Variants in CD226 observed in about 807,000 individuals in gnomAD.
CD226 encodes the protein CD226 antigen.
A neutral mutation model predicts 34.9 loss-of-function variants in CD226; 24 were observed. That is an observed-to-expected ratio of 0.69 (90% CI 0.50 to 0.97). The LOEUF (loss-of-function observed/expected upper bound fraction) is 0.97. CD226 is among the 50% of genes least tolerant of loss of function. CD226 has a pLI of 0.00. For synonymous variants in CD226, 148 were observed against 147.4 expected, an observed-to-expected ratio of 1.00 and a Z score of -0.03; for missense variants, 397 against 412.7, an observed-to-expected ratio of 0.96 and a Z score of 0.33.
chr18:69,887,163 T>C (rs1382557360), intron 3 of CD226, among the ~76,000 whole-genome samples: 1 of 152,202 alleles, frequency 6.6e-6, no homozygotes, highest in African/African-American at 2.4e-5. Flanking sequence ...GATTAAAATA[T>C]TTGGGATTTG....
chr18:69,877,430 C>T (rs543417494), intron 3 of CD226, among the ~76,000 whole-genome samples: 4 of 152,300 alleles, frequency 2.6e-5, no homozygotes, highest in African/African-American at 7.2e-5. Context: ...TCTCCAAACC[C>T]CATCCTCTTG....
intron 2 of CD226, among the ~76,000 whole-genome samples, chr18:69,908,647 G>A (rs2145280179): frequency 6.6e-6 from 1 of 150,390 alleles, no homozygotes; most frequent in Non-Finnish European, 1.5e-5. Context: ...TTGCATCAAA[G>A]ACTATATAAC....
intron 3 of CD226, among the ~76,000 whole-genome samples, chr18:69,884,522 CTT>C (rs996637024): frequency 5.3e-4 from 80 of 152,322 alleles, no homozygotes; most frequent in African/African-American, 1.8e-3. Flanking sequence ...CCAGATAAGT[CTT>C]TTGTCAGCTT....
intron 3 of CD226, among the ~76,000 whole-genome samples, chr18:69,886,808 G>T (rs1282358345): frequency 6.6e-6 from 1 of 151,600 alleles, no homozygotes; most frequent in Non-Finnish European, 1.5e-5. Context: ...ATATCTAAAG[G>T]TGTTATAAAT....
rs571495424 is a variant in CD226 at position 69,924,856 on chromosome 18, G to C, written c.382+21878C>G. Among the ~76,000 whole-genome samples the C allele has an allele frequency of 1.5e-3, 228 of 152,218 alleles. 1 individual carries two copies. The highest frequency in any genetic ancestry group is 3.4e-3 in the Middle Eastern group (1 of 294). On this transcript the variant is annotated intron_variant, in intron 2 of 5. Coordinates refer to ENST00000582621, the MANE Select transcript of CD226 (RefSeq NM_001303618.2). The stretch of plus-strand genomic sequence containing the variant: ...AGCACATCAAAAAGAGAAAGAGAGG[G>C]AGAGAAACTGCATGGCATTTGAAAA...
chr18:69,893,881 C>T (rs1223096556), intron 3 of CD226, among the ~76,000 whole-genome samples: 1 of 152,194 alleles, frequency 6.6e-6, no homozygotes, highest in African/African-American at 2.4e-5. Flanking sequence ...ATACACAGAG[C>T]TATAGTGGAA....
intron 2 of CD226, among the ~76,000 whole-genome samples, chr18:69,918,310 T>C (rs1568192126): frequency 6.6e-6 from 1 of 152,306 alleles, no homozygotes; most frequent in Non-Finnish European, 1.5e-5. Flanking sequence ...CCCAGCACTT[T>C]GGGAGGCCGA....
chr18:69,927,321 T>C (rs553552019), intron 2 of CD226, among the ~76,000 whole-genome samples: 22 of 151,820 alleles, frequency 1.4e-4, no homozygotes, highest in African/African-American at 5.3e-4. Context: ...AAATTACCCA[T>C]CTAAGGTACT....
chr18:69,952,583 G>A (rs758083560), upstream of CD226, among the ~76,000 whole-genome samples: 4 of 152,104 alleles, frequency 2.6e-5, no homozygotes, highest in African/African-American at 4.8e-5. Context: ...CCCTACCTCC[G>A]TGAAACACAA....
intron 2 of CD226, among the ~76,000 whole-genome samples, chr18:69,940,550 T>G (rs1254186672): frequency 6.8e-6 from 1 of 147,756 alleles, no homozygotes; most frequent in Non-Finnish European, 1.5e-5. Context: ...GATGAGGAAC[T>G]TTTTGGGAAA....
chr18:69,864,650 T>G (rs1983026393), intron 5 of CD226, among the ~76,000 whole-genome samples: 1 of 152,220 alleles, frequency 6.6e-6, no homozygotes. Context: ...AGATTAATAC[T>G]TGCTGTATTG....
intron 2 of CD226, chr18:69,944,617 A>G (rs1385044015): frequency 6.6e-6 from 1 of 152,278 alleles, no homozygotes; most frequent in East Asian, 1.9e-4. Flanking sequence ...CTTTAAAGGC[A>G]TACCACACAA....
chr18:69,950,835 G>A (rs1326757999), upstream of CD226, among the ~76,000 whole-genome samples: 1 of 152,108 alleles, frequency 6.6e-6, no homozygotes, highest in Non-Finnish European at 1.5e-5. Flanking sequence ...TCAATTATTA[G>A]AAAGATAACT....
At chr18:69,879,525 A>G (rs1372828834) in intron 3 of CD226, among the ~76,000 whole-genome samples, 1 of 146,756 alleles carries the variant, frequency 6.8e-6, no homozygotes, top group Admixed American at 6.9e-5. Flanking sequence ...AGGCAGCCAG[A>G]CTTTAAGGTT....
chr18:69,866,352 C>T (rs900766390), intron 5 of CD226, among the ~76,000 whole-genome samples: 4 of 152,096 alleles, frequency 2.6e-5, no homozygotes, highest in Admixed American at 6.6e-5. Flanking sequence ...GTGGGGATAA[C>T]GAGCATGAAA....
intron 2 of CD226, 117 bp from the exon 3 acceptor site, chr18:69,896,162 G>A: frequency 6.9e-7 from 1 of 1,439,670 alleles, no homozygotes; most frequent in South Asian, 1.5e-5. Flanking sequence ...CTTCCGTTGT[G>A]AATGACCTCT....
At chr18:69,929,936 A>G (rs1356118085) in intron 2 of CD226, among the ~76,000 whole-genome samples, 1 of 152,120 alleles carries the variant, frequency 6.6e-6, no homozygotes, top group Admixed American at 6.5e-5. Flanking sequence ...GCTCATTCCC[A>G]GAAATATGGA....
At chr18:69,955,370 G>A (rs766232599) in intron 1 of CD226, among the ~76,000 whole-genome samples, 5 of 152,194 alleles carry the variant, frequency 3.3e-5, no homozygotes, top group African/African-American at 9.6e-5. Context: ...GATACCTTTC[G>A]ACACTTGCTT....
At chr18:69,954,214 G>A (rs1469054292) in intron 1 of CD226, among the ~76,000 whole-genome samples, 1 of 152,096 alleles carries the variant, frequency 6.6e-6, no homozygotes, top group African/African-American at 2.4e-5. Context: ...GTCCAAAGAT[G>A]CCAAGTACAT....
Sources: gnomAD v4.1 joint callset for allele counts (sites outside exome capture counted in the v4.1 genomes callset) on GRCh38, gnomAD v4.1.1 for gene constraint, MANE v1.5 for transcripts, NCBI Gene and HGNC (gene_info 2026-07-23, HGNC 2026-07-21) for gene names.